Variants in GRIN2B observed in about 807,000 individuals in gnomAD.
The protein encoded by GRIN2B is glutamate receptor ionotropic, NMDA 2B.
A neutral mutation model predicts 114.5 loss-of-function variants in GRIN2B; 5 were observed. The ratio of observed to expected loss-of-function variants is 0.04; its 90% CI spans 0.02 to 0.09. The LOEUF is 0.09. GRIN2B is among the 10% of genes least tolerant of loss of function. The probability of loss-of-function intolerance (pLI) is 1.00; values close to 1 mark genes in which losing one functional copy is unlikely to be tolerated. For missense variants in GRIN2B, 1,108 were observed against 1,943.5 expected, an observed-to-expected ratio of 0.57 and a Z score of 8.08; for synonymous variants, 787 against 745.1, an observed-to-expected ratio of 1.06 and a Z score of -0.92.
At chr12:13,834,730 C>T (rs1865224495) in intron 3 of GRIN2B, among the ~76,000 whole-genome samples, 1 of 152,176 alleles carries the variant, frequency 6.6e-6, no homozygotes. Flanking sequence ...TCAGAGATAG[C>T]CACTTTATAG....
chr12:13,904,015 G>A (rs2136790545), intron 2 of GRIN2B, among the ~76,000 whole-genome samples: 1 of 151,844 alleles, frequency 6.6e-6, no homozygotes, highest in South Asian at 2.1e-4. Context: ...TATTTGCATG[G>A]CATCTGTTTT....
intron 10 of GRIN2B, among the ~76,000 whole-genome samples, chr12:13,579,609 T>C (rs979320430): frequency 1.3e-5 from 2 of 152,204 alleles, no homozygotes; most frequent in Non-Finnish European, 2.9e-5. Flanking sequence ...TCATCGCCAT[T>C]GGAAGCAACT....
At chr12:13,641,363 G>GGGCC (rs751848974) in intron 5 of GRIN2B, among the ~76,000 whole-genome samples, 1 of 151,946 alleles carries the variant, frequency 6.6e-6, no homozygotes, top group Non-Finnish European at 1.5e-5. Flanking sequence ...GTGAGCCACT[G>GGGCC]GGCCCAGCCT....
chr12:13,723,013 T>C (rs114569339), intron 4 of GRIN2B, among the ~76,000 whole-genome samples: 2,602 of 151,932 alleles, frequency 0.017, 60 homozygotes, highest in African/African-American at 0.059. Flanking sequence ...TGCCCTGGGG[T>C]TTCTCCTTCA....
chr12:13,925,372 A>G (rs747995491), intron 2 of GRIN2B, among the ~76,000 whole-genome samples: 1 of 152,226 alleles, frequency 6.6e-6, no homozygotes, highest in South Asian at 2.1e-4. Context: ...AGAGACTCCA[A>G]CAAAAGGAGA....
chr12:13,556,870 T>C lies in GRIN2B; in HGVS notation c.*5913A>G, dbSNP rs1055382400. On this transcript the variant is annotated 3_prime_UTR_variant, in exon 14 of 14. Coordinates refer to ENST00000609686, the MANE Select transcript of GRIN2B (RefSeq NM_000834.5). Reference sequence around the variant, plus strand: ...CTCTTGAGAGATGTAGAGAGAAATGTGGAAGATTTCTAACTTTCCCTACTT... The same window carrying C: ...CTCTTGAGAGATGTAGAGAGAAATGCGGAAGATTTCTAACTTTCCCTACTT... 6.6e-6 allele frequency: 1 copy of C among 152,196 alleles called. No individual in the cohort carries two copies. Among genetic ancestry groups the C allele is most frequent in the Non-Finnish European group, 1.5e-5 (1 of 68,040 alleles). 9.4% of individuals were successfully genotyped at this position (152,196 alleles called of 1,614,324 possible).
rs760777800 is a variant in GRIN2B, at chr12:13,563,432, G to A, written c.3806C>T (p.Pro1269Leu). Residue 1269 changes from proline (P) to leucine (L), a missense_variant, in exon 14 of 14, where the codon CCA becomes CTA. Around this residue, in one of 19 missense-constraint regions of GRIN2B, gnomAD observed 478 missense variants for 506.0 expected, o/e 0.94. Transcript: ENST00000609686. ...SLQELDQPAA[P>L]VAVTSNASTT... ...GGAGGCGTTTGACGTCACCGCCACT[G>A]GGGCAGCCGGCTGGTCCAGTTCCTG... The A allele has an allele frequency of 1.2e-6, 2 of 1,614,206 alleles. No individual in the cohort carries two copies. Among genetic ancestry groups the A allele is most frequent in the African/African-American group, 1.3e-5 (1 of 75,056 alleles).
intron 10 of GRIN2B, among the ~76,000 whole-genome samples, chr12:13,599,220 G>A (rs1291195807): frequency 1.3e-5 from 2 of 152,162 alleles, no homozygotes; most frequent in South Asian, 2.1e-4. Flanking sequence ...ATGTGGAATC[G>A]TAAACTAAAT....
intron 4 of GRIN2B, among the ~76,000 whole-genome samples, chr12:13,692,760 CTTTTTTTTTTTTTTTTT>C (rs71067718): frequency 1.9e-5 from 1 of 52,132 alleles, no homozygotes; most frequent in African/African-American, 9.5e-5. Flanking sequence ...TCTTTCTTTT[CTTTTTTTTTTTTTTTTT>C]TTTTTTTTGA....
At chr12:13,962,089 T>TACATAC (rs375862677) in intron 2 of GRIN2B, among the ~76,000 whole-genome samples, 2 of 145,238 alleles carry the variant, frequency 1.4e-5, no homozygotes, top group African/African-American at 2.5e-5. Flanking sequence ...CTCTCATACA[T>TACATAC]ACACACACAC....
At chr12:13,708,250 G>A (rs972872545) in intron 4 of GRIN2B, among the ~76,000 whole-genome samples, 2 of 151,998 alleles carry the variant, frequency 1.3e-5, no homozygotes, top group African/African-American at 4.8e-5. Context: ...CTTCCCCCAC[G>A]CTTCCCGTAA....
In GRIN2B at chr12:13,644,728, G is replaced by C. The variant is rs376068274; in HGVS notation, c.1126-28071C>G. 2.0e-4 allele frequency among the ~76,000 whole-genome samples: 30 copies of C among 152,278 alleles called. No individual in the cohort carries two copies. In the East Asian group the frequency reaches 4.1e-3, roughly 21 times the overall value. ...TAGATCTTATGGATAACTTGCTGCA[G>C]CTTCTCCATCAGCACTTGCTGCTTC... On this transcript the variant is annotated intron_variant, in intron 5 of 13. Transcript: ENST00000609686.
intron 4 of GRIN2B, among the ~76,000 whole-genome samples, chr12:13,737,684 G>A (rs750570472): frequency 2.0e-5 from 3 of 152,208 alleles, no homozygotes; most frequent in Non-Finnish European, 4.4e-5. Flanking sequence ...GAGATAGGTG[G>A]ATGAGTGGAA....
intron 10 of GRIN2B, among the ~76,000 whole-genome samples, chr12:13,590,681 C>T (rs559283570): frequency 2.9e-4 from 44 of 152,070 alleles, no homozygotes; most frequent in Non-Finnish European, 6.0e-4. Flanking sequence ...CAAGTCTTTG[C>T]TATTGTAAAT....
chr12:13,705,812 T>C (rs1305889430), intron 4 of GRIN2B, among the ~76,000 whole-genome samples: 2 of 152,168 alleles, frequency 1.3e-5, no homozygotes, highest in Non-Finnish European at 2.9e-5. Flanking sequence ...AACCCTTTGA[T>C]GAACAGTGCA....
intron 5 of GRIN2B, among the ~76,000 whole-genome samples, chr12:13,650,593 C>T (rs1949804074): frequency 6.6e-6 from 1 of 152,024 alleles, no homozygotes; most frequent in Non-Finnish European, 1.5e-5. Context: ...ATCCCATGAA[C>T]ATCAATTGGC....
chr12:13,645,092 G>A (rs1949750284), intron 5 of GRIN2B, among the ~76,000 whole-genome samples: 1 of 152,088 alleles, frequency 6.6e-6, no homozygotes, highest in Non-Finnish European at 1.5e-5. Context: ...AAGAGACCTA[G>A]CTTTCAGCCT....
At chr12:13,705,260 G>A (rs2136573250) in intron 4 of GRIN2B, among the ~76,000 whole-genome samples, 2 of 152,124 alleles carry the variant, frequency 1.3e-5, no homozygotes, top group East Asian at 3.9e-4. Flanking sequence ...GCCATTTTAT[G>A]AGGAAATAAA....
In GRIN2B at chr12:13,899,905, T is replaced by G. The variant is rs879374580; in HGVS notation, c.-18-33679A>C. 1.3e-3 allele frequency among the ~76,000 whole-genome samples: 195 copies of G among 152,270 alleles called. 1 individual carries two copies. Among genetic ancestry groups the G allele is most frequent in the Admixed American group, 3.0e-3 (46 of 15,290 alleles). ...CTATGATGATCTCACATGCTATATC[T>G]CTAAGCTGTATAACAGCCTTATATC... is the stretch of plus-strand genomic sequence containing the variant. On this transcript the variant is annotated intron_variant, in intron 2 of 13. Coordinates refer to ENST00000609686, the MANE Select transcript of GRIN2B (RefSeq NM_000834.5).
Sources: gnomAD v4.1 joint callset for allele counts (sites outside exome capture counted in the v4.1 genomes callset) on GRCh38, gnomAD v4.1.1 for gene constraint, gnomAD v4.1.1 regional missense constraint, MANE v1.5 for transcripts, NCBI Gene and HGNC (gene_info 2026-07-23, HGNC 2026-07-21) for gene names.